The following OXR1 variants were observed in gnomAD, a reference collection of about 807,000 sequenced individuals.
The protein encoded by OXR1 is oxidation resistance protein 1.
A neutral mutation model predicts 104.6 loss-of-function variants in OXR1; 41 were observed. The ratio of observed to expected loss-of-function variants is 0.39; its 90% confidence interval spans 0.31 to 0.51. The LOEUF is 0.51. Among genes scored for constraint, OXR1 ranks in the 20% least tolerant of loss-of-function variants. OXR1 has a pLI of 0.77. For synonymous variants in OXR1, 348 were observed against 348.4 expected, an observed-to-expected ratio of 1.00 and a Z score of 0.01; for missense variants, 955 against 1,031.9, an observed-to-expected ratio of 0.93 and a Z score of 1.02.
chr8:106,663,814 C>T lies in OXR1; in HGVS notation c.221-15396C>T, dbSNP rs1251436156. ...ATTGAGAAGCCATCTCTCTCCCCAT[C>T]CCCCACCCCTTGCCCACATGTCCAT... On this transcript the variant is annotated intron_variant, in intron 3 of 16. Transcript: ENST00000517566. Among the ~76,000 whole-genome samples, 3 of 152,312 alleles carry T rather than the reference C, an allele frequency of 2.0e-5. No homozygotes were observed. In the South Asian group the frequency reaches 6.2e-4, roughly 32 times the overall value.
At chr8:106,464,237 C>G (rs1018111243) in intron 2 of OXR1, among the ~76,000 whole-genome samples, 3 of 151,938 alleles carry the variant, frequency 2.0e-5, no homozygotes, top group Non-Finnish European at 4.4e-5. Flanking sequence ...AAAACATTTT[C>G]AAGCCCAATA....
chr8:106,504,570 G>A (rs1353847614), intron 2 of OXR1, among the ~76,000 whole-genome samples: 2 of 152,120 alleles, frequency 1.3e-5, no homozygotes, highest in Non-Finnish European at 2.9e-5. Flanking sequence ...TGTATAGCAC[G>A]AGCTCAAGAA....
At chr8:106,289,963 A>G (rs1485270847) in intron 1 of OXR1, among the ~76,000 whole-genome samples, 1 of 152,186 alleles carries the variant, frequency 6.6e-6, no homozygotes, top group Non-Finnish European at 1.5e-5. Flanking sequence ...GAAGAAGGAC[A>G]TGTTTGCTTC....
chr8:106,347,029 C>G (rs1239751120), intron 1 of OXR1, among the ~76,000 whole-genome samples: 2 of 152,092 alleles, frequency 1.3e-5, no homozygotes, highest in African/African-American at 2.4e-5. Flanking sequence ...GGCGACAAAG[C>G]GAGACTCCGT....
chr8:106,495,654 GAA>G (rs1811365334), intron 2 of OXR1, among the ~76,000 whole-genome samples: 1 of 152,158 alleles, frequency 6.6e-6, no homozygotes, highest in African/African-American at 2.4e-5. Flanking sequence ...ACAGCTAGTG[GAA>G]AGAGAAATTT....
chr8:106,704,217 G>C (rs1325325146), intron 8 of OXR1, among the ~76,000 whole-genome samples: 1 of 151,870 alleles, frequency 6.6e-6, no homozygotes, highest in African/African-American at 2.4e-5. Flanking sequence ...GCCAGTTTCA[G>C]CAAATAAGGA....
chr8:106,317,031 C>T (rs909116894), intron 1 of OXR1, among the ~76,000 whole-genome samples: 1 of 151,980 alleles, frequency 6.6e-6, no homozygotes. Flanking sequence ...TCACCATGCC[C>T]AGCTAATTTT....
chr8:106,566,791 T>TA (rs1333669778), intron 3 of OXR1, among the ~76,000 whole-genome samples: 2 of 152,072 alleles, frequency 1.3e-5, no homozygotes, highest in Non-Finnish European at 2.9e-5. Context: ...TACGCATCCA[T>TA]AAAAAACAAT....
chr8:106,666,462 T>A (rs543534873), intron 3 of OXR1, among the ~76,000 whole-genome samples: 13 of 152,330 alleles, frequency 8.5e-5, no homozygotes, highest in Admixed American at 7.8e-4. Flanking sequence ...AATTATTTGA[T>A]AATACTTCCT....
intron 3 of OXR1, among the ~76,000 whole-genome samples, chr8:106,550,776 A>G (rs556288836): frequency 1.3e-5 from 2 of 152,300 alleles, no homozygotes; most frequent in South Asian, 4.1e-4. Context: ...CTGTGAGTCA[A>G]TTAAACTTCT....
At chr8:106,590,368 A>G (rs1286048100) in intron 3 of OXR1, among the ~76,000 whole-genome samples, 1 of 152,158 alleles carries the variant, frequency 6.6e-6, no homozygotes, top group Non-Finnish European at 1.5e-5. Context: ...GCTCACTGCA[A>G]TCTCTGCCTC....
chr8:106,549,240 A>C (rs1815613103), intron 3 of OXR1, among the ~76,000 whole-genome samples: 1 of 138,050 alleles, frequency 7.2e-6, no homozygotes. Flanking sequence ...CAAACATATC[A>C]AACATTTTTT....
chr8:106,738,674 A>G (rs905045847), intron 12 of OXR1, among the ~76,000 whole-genome samples: 1 of 151,480 alleles, frequency 6.6e-6, no homozygotes, highest in Admixed American at 6.6e-5. Flanking sequence ...CACCAATAGA[A>G]TATATTGTGC....
intron 3 of OXR1, among the ~76,000 whole-genome samples, chr8:106,614,142 C>T (rs1821012466): frequency 6.6e-6 from 1 of 152,174 alleles, no homozygotes; most frequent in Non-Finnish European, 1.5e-5. Flanking sequence ...AGGAAAACTA[C>T]ATGATTTCAA....
chr8:106,723,172 A>G (rs1832972631), intron 11 of OXR1, among the ~76,000 whole-genome samples: 2 of 151,832 alleles, frequency 1.3e-5, no homozygotes, highest in Non-Finnish European at 1.5e-5. Context: ...CCTGGCCAAT[A>G]TGGTGAAATC....
intron 3 of OXR1, among the ~76,000 whole-genome samples, chr8:106,607,681 A>G (rs115849765): frequency 5.3e-5 from 8 of 152,352 alleles, no homozygotes; most frequent in African/African-American, 1.7e-4. Flanking sequence ...CAAAGGGTGC[A>G]GGGAACTATT....
At chr8:106,458,087 C>G (rs1300338691) in intron 2 of OXR1, among the ~76,000 whole-genome samples, 1 of 152,008 alleles carries the variant, frequency 6.6e-6, no homozygotes, top group African/African-American at 2.4e-5. Flanking sequence ...AAGGGTCTGA[C>G]CAAGCAACTG....
At chr8:106,384,425 A>C (rs1226217607) in intron 2 of OXR1, among the ~76,000 whole-genome samples, 2 of 152,196 alleles carry the variant, frequency 1.3e-5, no homozygotes, top group African/African-American at 4.8e-5. Flanking sequence ...AAACATAAGC[A>C]GTTGCCGGTC....
chr8:106,534,679 G>T (rs1814349762), intron 3 of OXR1, among the ~76,000 whole-genome samples: 1 of 152,188 alleles, frequency 6.6e-6, no homozygotes, highest in Non-Finnish European at 1.5e-5. Context: ...TTGTTGGTCA[G>T]TTTTTCAACT....
Sources: allele counts gnomAD v4.1 joint callset (sites outside exome capture counted in the v4.1 genomes callset), GRCh38; gene constraint gnomAD v4.1.1; transcripts MANE v1.5; gene names NCBI Gene and HGNC (gene_info 2026-07-23, HGNC 2026-07-21).